The following MIA2 variants were observed in gnomAD, a reference collection of about 807,000 sequenced individuals.
MIA2 encodes melanoma inhibitory activity protein 2.
In MIA2, 127 loss-of-function variants were observed where a neutral mutation model predicts 167.8. The observed-to-expected ratio is 0.76, with a 90% CI of 0.66 to 0.88. The LOEUF (loss-of-function observed/expected upper bound fraction) is 0.88, where lower values mean the gene tolerates loss of function less well. MIA2 is among the 40% of genes least tolerant of loss of function. The pLI, the probability that MIA2 is intolerant of heterozygous loss-of-function variation, is 0.00. For missense variants in MIA2, 1,690 were observed against 1,624.7 expected (o/e 1.04, Z -0.69); for synonymous variants, 552 against 541.9 (o/e 1.02, Z -0.26).
At chr14:39,286,010 A>G (rs979749818) in intron 9 of MIA2, among the ~76,000 whole-genome samples, 2 of 149,218 alleles carry the variant, frequency 1.3e-5, no homozygotes, top group East Asian at 2.0e-4. Flanking sequence ...ATGGGCGGCC[A>G]GGCAGAGACG....
chr14:39,301,568 C>T (rs1322200503), intron 14 of MIA2, among the ~76,000 whole-genome samples: 1 of 152,056 alleles, frequency 6.6e-6, no homozygotes, highest in Non-Finnish European at 1.5e-5. Flanking sequence ...GTGGGTCCCT[C>T]CAGAGGAATA....
chr14:39,267,180 C>A (rs2055913884), intron 6 of MIA2: 4 of 1,198,546 alleles, frequency 3.3e-6, no homozygotes, highest in South Asian at 5.3e-5. Context: ...GGTGGGGTGG[C>A]GAGGACAGGG....
rs563324895 is a variant in MIA2, at chr14:39,259,882, C to T, written c.1887+6711C>T. On this transcript the variant is annotated intron_variant, in intron 6 of 28. Transcript: ENST00000640607. ...ATCCCCCCGCCAACATGACAGGCCCCGGTGTGTGATGTTCCCCACTCTGTG... is the reference window on the plus strand; with the variant it reads ...ATCCCCCCGCCAACATGACAGGCCCTGGTGTGTGATGTTCCCCACTCTGTG... 4.6e-5 allele frequency among the ~76,000 whole-genome samples: 7 copies of T among 151,970 alleles called. No individual in the cohort carries two copies. The East Asian group carries it at 5.8e-4, about 13-fold the overall frequency.
Position 39,277,741 on chromosome 14 carries a change from TA to T in MIA2, c.2019+677del, listed in dbSNP as rs2058329767. On this transcript the variant is annotated intron_variant, in intron 7 of 28. Coordinates refer to ENST00000640607, the MANE Select transcript of MIA2 (RefSeq NM_001329214.4). Reference sequence around the variant, plus strand: ...GTGTGTATATATATATATATATATATATGTGTGTATATATATATATATATAT... The same window carrying T: ...GTGTGTATATATATATATATATATATTGTGTGTATATATATATATATATAT... Among the ~76,000 whole-genome samples, 6 of 4,692 alleles carry T rather than the reference TA, an allele frequency of 1.3e-3. 1 individual carries two copies. Among genetic ancestry groups the T allele is most frequent in the African/African-American group, 4.9e-3 (4 of 816 alleles). 3.1% of individuals were successfully genotyped at this position (4,692 alleles called of 152,430 possible). A position where few individuals can be genotyped will look rare whatever the true frequency, so the allele number is the denominator to read the frequency against.
chr14:39,321,914 C>T (rs1320148485), intron 24 of MIA2, among the ~76,000 whole-genome samples: 2 of 152,000 alleles, frequency 1.3e-5, no homozygotes, highest in Admixed American at 6.6e-5. Context: ...GCACATGCCA[C>T]CACACCTGGC....
At chr14:39,360,782 T>C (rs2074665693) in intron 23 of MIA2, among the ~76,000 whole-genome samples, 1 of 152,214 alleles carries the variant, frequency 6.6e-6, no homozygotes, top group Non-Finnish European at 1.5e-5. Context: ...AGTAGTTTTA[T>C]AGTTTTGGGC....
intron 9 of MIA2, among the ~76,000 whole-genome samples, chr14:39,282,288 ATATT>A (rs1289565383): frequency 1.3e-5 from 2 of 152,196 alleles, no homozygotes; most frequent in African/African-American, 2.4e-5. Context: ...TTTATTGTGT[ATATT>A]TAAGGTATAG....
intron 23 of MIA2, among the ~76,000 whole-genome samples, chr14:39,320,355 T>G (rs1566909408): frequency 6.6e-6 from 1 of 152,208 alleles, no homozygotes; most frequent in African/African-American, 2.4e-5. Flanking sequence ...ATAGATAAAG[T>G]GATTTAGTTG....
intron 25 of MIA2, among the ~76,000 whole-genome samples, chr14:39,339,240 TC>T (rs1223231489): frequency 6.6e-6 from 1 of 152,170 alleles, no homozygotes; most frequent in Non-Finnish European, 1.5e-5. Flanking sequence ...TGCAAACAGT[TC>T]CTAACAGCCC....
chr14:39,377,199 A>G (rs2075061381), intron 23 of MIA2, among the ~76,000 whole-genome samples: 1 of 151,958 alleles, frequency 6.6e-6, no homozygotes, highest in African/African-American at 2.4e-5. Flanking sequence ...CAGGTTGTGA[A>G]GTCTCATGTC....
intron 23 of MIA2, among the ~76,000 whole-genome samples, chr14:39,367,594 T>C (rs1489768015): frequency 6.6e-6 from 1 of 152,204 alleles, no homozygotes; most frequent in East Asian, 1.9e-4. Flanking sequence ...CTGGAGAGCC[T>C]CTTTGGGCAC....
intron 6 of MIA2, among the ~76,000 whole-genome samples, chr14:39,259,223 C>G (rs2054961918): frequency 6.6e-6 from 1 of 152,214 alleles, no homozygotes; most frequent in Non-Finnish European, 1.5e-5. Context: ...GGTGCTCTGT[C>G]CCAGGGAAAT....
In MIA2 at chr14:39,236,989, T is replaced by G; in HGVS notation, c.183T>G (p.Thr61=). The change falls in exon 2 of 29, where the codon ACT becomes ACG. Residue 61 remains threonine, a synonymous_variant. Transcript: ENST00000640607. ...CTGACTGCCGATACCTGAACTTCAC[T>G]AAGGGAGAAGAGATATCTGTTTATG... The part of the protein sequence containing the change: ...RGPDCRYLNF[T]KGEEISVYVK... 1 of 1,614,040 alleles carries G rather than the reference T, an allele frequency of 6.2e-7. No homozygotes were observed. The highest frequency in any genetic ancestry group is 2.2e-5 in the East Asian group (1 of 44,878).
In MIA2 at chr14:39,385,831, G is replaced by A. The variant is rs1382982273; in HGVS notation, c.2249-1054G>A. On this transcript the variant is annotated intron_variant, in intron 23 of 23. Transcript: ENST00000341502. ...GCTTCTATTTACAACACAGGAAACA[G>A]GATGCCCTTGTCCTCGACCTCTCCC... is the stretch of plus-strand genomic sequence containing the variant. 4.2e-6 allele frequency: 4 copies of A among 960,052 alleles called. No individual in the cohort carries two copies. The African/African-American group carries it at 6.4e-5, about 15-fold the overall frequency. 59.5% of individuals were successfully genotyped at this position (960,052 alleles called of 1,614,324 possible).
rs999588996 is a variant in MIA2 at position 39,368,224 on chromosome 14, A to G, written c.2249-18661A>G. Among the ~76,000 whole-genome samples the G allele has an allele frequency of 2.0e-5, 3 of 152,196 alleles. No homozygotes were observed. The East Asian group carries it at 5.8e-4, about 29-fold the overall frequency. Reference sequence around the variant, plus strand: ...GCGAGAGAGCAAAATTAGATTGGAGAGGACCTTCAGACAGTGATTCAGGTC... The same window carrying G: ...GCGAGAGAGCAAAATTAGATTGGAGGGGACCTTCAGACAGTGATTCAGGTC... On this transcript the variant is annotated intron_variant, in intron 23 of 23. Transcript: ENST00000341502.
At chr14:39,328,965 A>G (rs1189857733) in intron 25 of MIA2, among the ~76,000 whole-genome samples, 4 of 152,228 alleles carry the variant, frequency 2.6e-5, no homozygotes, top group East Asian at 1.9e-4. Flanking sequence ...TTTTGCTTCT[A>G]TATGAAATTT....
At chr14:39,308,710 A>G in intron 18 of MIA2, 123 bp downstream of exon 18, 1 of 820,042 alleles carries the variant, frequency 1.2e-6, no homozygotes, top group Non-Finnish European at 1.8e-6. Context: ...TATTTCATCA[A>G]CTTATTTTTA....
chr14:39,307,363 C>G (rs1224342090), intron 17 of MIA2, among the ~76,000 whole-genome samples: 3 of 149,404 alleles, frequency 2.0e-5, no homozygotes, highest in Non-Finnish European at 4.4e-5. Flanking sequence ...GTTGGGAATC[C>G]TATAAATAAT....
intron 7 of MIA2, among the ~76,000 whole-genome samples, chr14:39,277,809 A>G (rs1042910246): frequency 2.1e-4 from 29 of 138,014 alleles, no homozygotes; most frequent in Admixed American, 1.2e-3. Flanking sequence ...GGGTCTCACT[A>G]TGTTGCCTAG....
Sources: allele counts gnomAD v4.1 joint callset (sites outside exome capture counted in the v4.1 genomes callset), GRCh38; gene constraint gnomAD v4.1.1; transcripts MANE v1.5; gene names NCBI Gene and HGNC (gene_info 2026-07-23, HGNC 2026-07-21).